Variants in ECE1 observed in about 807,000 individuals in gnomAD.
ECE1 encodes the protein endothelin converting enzyme 1, also known as endothelin-converting enzyme 1.
ECE1 carries 35 observed loss-of-function variants against 98.6 expected under a neutral mutation model. That is an observed-to-expected ratio of 0.35 (90% confidence interval 0.27 to 0.47). The LOEUF is 0.47. Among genes scored for constraint, ECE1 ranks in the 20% least tolerant of loss-of-function variants. The probability of loss-of-function intolerance (pLI) is 1.00; values close to 1 mark genes in which losing one functional copy is unlikely to be tolerated. For missense variants in ECE1, 814 were observed against 1,025.3 expected (o/e 0.79, Z 2.81); for synonymous variants, 394 against 407.1 (o/e 0.97, Z 0.39).
chr1:21,254,152 G>C (rs1175365604), intron 8 of ECE1, among the ~76,000 whole-genome samples: 2 of 151,648 alleles, frequency 1.3e-5, no homozygotes, highest in Non-Finnish European at 2.9e-5. Flanking sequence ...CTGGCACACA[G>C]CTGGGGTGAG....
At chr1:21,290,469 G>A (rs1298354424), upstream of ECE1, 2 of 1,225,622 alleles carry the variant, frequency 1.6e-6, no homozygotes, top group Non-Finnish European at 2.0e-6. This position sits in a 1 kb window ranked among gnomAD's most constrained non-coding sequence, Gnocchi z 7.3. Context: ...GGGATGGGCC[G>A]GGCCAGGCGT....
At chr1:21,325,309 G>A (rs542708005) in intron 1 of ECE1, among the ~76,000 whole-genome samples, 5 of 152,320 alleles carry the variant, frequency 3.3e-5, no homozygotes, top group South Asian at 2.1e-4. Flanking sequence ...ACAAGCCAGC[G>A]TCTCGAGCGG....
Position 21,319,451 on chromosome 1 carries a change from T to C in ECE1, c.3+25925A>G, listed in dbSNP as rs1449088914. On this transcript the variant is annotated intron_variant, in intron 1 of 18. Coordinates refer to the ECE1 transcript ENST00000415912. This position sits in a 1 kb window ranked among gnomAD's most constrained non-coding sequence, Gnocchi z 4.4. Reference sequence around the variant, plus strand: ...CCTCGTGTCTAAATGGCCTGGTACATACTAGGGCCTCCATAAATGCCGGCT... The same window carrying C: ...CCTCGTGTCTAAATGGCCTGGTACACACTAGGGCCTCCATAAATGCCGGCT... Among the ~76,000 whole-genome samples, 2 of 152,184 alleles carry C rather than the reference T, an allele frequency of 1.3e-5. No homozygotes were observed. The highest frequency in any genetic ancestry group is 6.5e-5 in the Admixed American group (1 of 15,280).
At chr1:21,287,828 A>C (rs1413626929) in intron 2 of ECE1, among the ~76,000 whole-genome samples, 1 of 152,234 alleles carries the variant, frequency 6.6e-6, no homozygotes, top group Admixed American at 6.5e-5. Flanking sequence ...TTAAAAATAC[A>C]TACATACAAG....
chr1:21,330,419 T>C (rs1459475780), intron 1 of ECE1, among the ~76,000 whole-genome samples: 3 of 151,720 alleles, frequency 2.0e-5, no homozygotes, highest in African/African-American at 7.3e-5. Context: ...TTTGTAGAGA[T>C]GGGGTTTTGT....
intron 17 of ECE1, 29 bp from the exon 18 acceptor site, chr1:21,221,871 G>A: frequency 1.2e-6 from 2 of 1,605,382 alleles, no homozygotes; most frequent in Middle Eastern, 1.7e-4. Flanking sequence ...AAAGCTCAGG[G>A]GTTCCCATGG....
intron 1 of ECE1, among the ~76,000 whole-genome samples, chr1:21,303,873 ACT>A (rs1042624360): frequency 1.3e-5 from 2 of 151,624 alleles, no homozygotes; most frequent in Non-Finnish European, 2.9e-5. Flanking sequence ...CTGGTCTCGA[ACT>A]CTTGACCTCA....
At chr1:21,248,356 T>C (rs1263984915) in intron 8 of ECE1, among the ~76,000 whole-genome samples, 1 of 152,116 alleles carries the variant, frequency 6.6e-6, no homozygotes, top group Non-Finnish European at 1.5e-5. Flanking sequence ...GTATTTTTAG[T>C]AGAGATGGGG....
intron 8 of ECE1, among the ~76,000 whole-genome samples, chr1:21,255,189 AGGAG>A (rs2098218332): frequency 6.6e-6 from 1 of 152,186 alleles, no homozygotes. Context: ...AAGGTAAGGA[AGGAG>A]GGAGATGACA....
At chr1:21,259,429 G>C (rs995784578) in intron 5 of ECE1, among the ~76,000 whole-genome samples, 4 of 152,008 alleles carry the variant, frequency 2.6e-5, no homozygotes, top group Non-Finnish European at 5.9e-5. Flanking sequence ...CACCACACCT[G>C]GCTAATTTTT....
chr1:21,258,387 G>A lies in ECE1; in HGVS notation c.762+306C>T, dbSNP rs924038084. Among the ~76,000 whole-genome samples, 2 of 152,218 alleles carry A rather than the reference G, an allele frequency of 1.3e-5. No homozygotes were observed. The highest frequency in any genetic ancestry group is 4.8e-5 in the African/African-American group (2 of 41,460). ...CCCATTCCAAGAAGAGTTACAAAGA[G>A]CAGACGCTAAGGAGGGGGAAACCAG... On this transcript the variant is annotated intron_variant, in intron 6 of 18. Transcript: ENST00000374893. This position sits in a 1 kb window ranked among gnomAD's most constrained non-coding sequence, Gnocchi z 4.2.
chr1:21,245,052 G>A lies in ECE1; in HGVS notation c.1215C>T (p.Phe405=). 1 of 1,614,194 alleles carries A rather than the reference G, an allele frequency of 6.2e-7. No homozygotes were observed. Among genetic ancestry groups the A allele is most frequent in the African/African-American group, 1.3e-5 (1 of 75,050 alleles). ...CGGCGTCCTGAAAGCGCTGGTCAAGGAAGGAGCTTGTTTTCCGCACCAGGT... is the reference window on the plus strand; with the variant it reads ...CGGCGTCCTGAAAGCGCTGGTCAAGAAAGGAGCTTGTTTTCCGCACCAGGT... ...IWNLVRKTSS[F]LDQRFQDADE... Residue 405 remains phenylalanine, a synonymous_variant, in exon 10 of 19, where the codon TTC becomes TTT. Transcript: ENST00000374893.
At chr1:21,315,521 T>C (rs1036498215) in intron 1 of ECE1, among the ~76,000 whole-genome samples, 2 of 152,122 alleles carry the variant, frequency 1.3e-5, no homozygotes, top group East Asian at 1.9e-4. Flanking sequence ...TGGCCGGGCA[T>C]GGGGGCTCAG....
chr1:21,333,255 A>T (rs1419357391), intron 1 of ECE1, among the ~76,000 whole-genome samples: 1 of 138,518 alleles, frequency 7.2e-6, no homozygotes, highest in Non-Finnish European at 1.5e-5. Context: ...TTCACCCGGG[A>T]CCTGCACTTA....
In ECE1 at chr1:21,345,159, C is replaced by T. The variant is rs1639474197; in HGVS notation, c.3+217G>A. The T allele has an allele frequency of 2.0e-6, 1 of 491,616 alleles. No homozygotes were observed. Among genetic ancestry groups the T allele is most frequent in the Non-Finnish European group, 2.9e-6 (1 of 350,384 alleles). The allele number at this position is 491,616 out of a possible 1,614,324, so 30.5% of individuals were successfully genotyped here. A position where few individuals can be genotyped will look rare whatever the true frequency, so the allele number is the denominator to read the frequency against. On this transcript the variant is annotated intron_variant, in intron 1 of 18. Transcript: ENST00000415912. The surrounding 1 kb of genome is among the most constrained non-coding windows in gnomAD (Gnocchi z 5.1). ...ACCAGAACCAAGCTCGGCGCGGCCG[C>T]CCCCGACGGGACCAAGCGCAGCGCC...
Position 21,217,307 on chromosome 1 carries a change from C to T in ECE1, c.*2648G>A, listed in dbSNP as rs1348042324. The T allele has an allele frequency of 6.6e-6, 1 of 152,282 alleles. No homozygotes were observed. The highest frequency in any genetic ancestry group is 1.5e-5 in the Non-Finnish European group (1 of 68,092). 9.4% of individuals were successfully genotyped at this position (152,282 alleles called of 1,614,324 possible). A position where few individuals can be genotyped will look rare whatever the true frequency, so the allele number is the denominator to read the frequency against. ...GTGCCACGCCAAAACTACAGTAGCT[C>T]AAAACATAATACAAAAAATAGATTC... is the stretch of plus-strand genomic sequence containing the variant. On this transcript the variant is annotated 3_prime_UTR_variant, in exon 19 of 19. Transcript: ENST00000374893.
intron 2 of ECE1, chr1:21,279,767 C>A (rs2098252245): frequency 8.6e-7 from 1 of 1,158,152 alleles, no homozygotes; most frequent in Non-Finnish European, 1.1e-6. Context: ...TCACACTTCC[C>A]AGAAGCACAG....
At chr1:21,321,426 C>T (rs1638961340) in intron 1 of ECE1, among the ~76,000 whole-genome samples, 1 of 152,204 alleles carries the variant, frequency 6.6e-6, no homozygotes, top group Non-Finnish European at 1.5e-5. Context: ...CAGCCATGTC[C>T]TGGAAGAGGG....
In ECE1 at chr1:21,225,642, G is replaced by C. The variant is rs996420833; in HGVS notation, c.1850-202C>G. ...CGGGAGAGGATGAAGGAGAGAAATC[G>C]GGAAAAGCTCCAGCGTGGCCCGAGG... On this transcript the variant is annotated intron_variant, in intron 16 of 18. Coordinates refer to ENST00000374893, the MANE Select transcript of ECE1 (RefSeq NM_001397.3). This position sits in a 1 kb window ranked among gnomAD's most constrained non-coding sequence, Gnocchi z 5.3. Among the ~76,000 whole-genome samples the C allele has an allele frequency of 1.3e-5, 2 of 152,082 alleles. No individual in the cohort carries two copies.
Sources: allele counts gnomAD v4.1 joint callset (sites outside exome capture counted in the v4.1 genomes callset), GRCh38; gene constraint gnomAD v4.1.1; non-coding constraint Gnocchi (gnomAD v3.1); transcripts MANE v1.5; gene names NCBI Gene and HGNC (gene_info 2026-07-23, HGNC 2026-07-21).